ANXA4: variants seen among roughly 807,000 people sequenced by gnomAD.
ANXA4 encodes 35-beta calcimedin.
In ANXA4, 39 loss-of-function variants were observed where a neutral mutation model predicts 49.8. The observed-to-expected ratio is 0.78, with a 90% CI of 0.61 to 1.02. The LOEUF is 1.02. Ranked by LOEUF, ANXA4 falls within the 50% of genes least tolerant of loss-of-function variation. The pLI, the probability that ANXA4 is intolerant of heterozygous loss-of-function variation, is 0.00. For missense variants in ANXA4, 360 were observed against 410.1 expected, an observed-to-expected ratio of 0.88 and a Z score of 1.05; for synonymous variants, 134 against 152.5, an observed-to-expected ratio of 0.88 and a Z score of 0.89.
Position 69,825,653 on chromosome 2 carries a change from C to G in ANXA4, c.*138C>G. 1.7e-6 allele frequency: 1 copy of G among 601,650 alleles called. No individual in the cohort carries two copies. Among genetic ancestry groups the G allele is most frequent in the Non-Finnish European group, 2.9e-6 (1 of 345,996 alleles). The allele number at this position is 601,650 out of a possible 1,614,324, so 37.3% of individuals were successfully genotyped here. The stretch of plus-strand genomic sequence containing the variant: ...CTACAGCTGCCTCCTAGAATATAGA[C>G]TGTCTGTATTATTATTCACCTATAA... On this transcript the variant is annotated 3_prime_UTR_variant, in exon 13 of 13. Transcript: ENST00000394295.
chr2:69,668,982 G>A (rs1303888583), intron 2 of ANXA4, among the ~76,000 whole-genome samples: 1 of 151,034 alleles, frequency 6.6e-6, no homozygotes, highest in Non-Finnish European at 1.5e-5. Flanking sequence ...TATCACCCAG[G>A]CTGCAGTGCA....
At chr2:69,824,178 G>A (rs897898045) in intron 12 of ANXA4, among the ~76,000 whole-genome samples, 4 of 151,760 alleles carry the variant, frequency 2.6e-5, no homozygotes, top group African/African-American at 4.8e-5. Flanking sequence ...GAACCTTTCC[G>A]GAAGACTGTT....
At chr2:69,806,643 G>A in intron 5 of ANXA4, 145 bp downstream of exon 5, 2 of 640,198 alleles carry the variant, frequency 3.1e-6, no homozygotes, top group South Asian at 3.7e-5. Flanking sequence ...TGTGGTACAT[G>A]TACACCATGG....
Position 69,656,294 on chromosome 2 carries a change from T to C in ANXA4, n.766+3012T>C, listed in dbSNP as rs569575280. Among the ~76,000 whole-genome samples, 119 of 104,984 alleles carry C rather than the reference T, an allele frequency of 1.1e-3. 2 individuals carry two copies. Among genetic ancestry groups the C allele is most frequent in the Middle Eastern group, 4.1e-3 (1 of 244 alleles). 68.9% of individuals were successfully genotyped at this position (104,984 alleles called of 152,430 possible). ...GTATATACGTATATATATACATATA[T>C]GTATATATATGTATATATGTATATA... On this transcript the variant is annotated intron_variant and non_coding_transcript_variant, in intron 2 of 3. Transcript: ENST00000418066.
In ANXA4 at chr2:69,706,682, A is replaced by G. The variant is rs184490323; in HGVS notation, n.767-14092A>G. Among the ~76,000 whole-genome samples the G allele has an allele frequency of 3.9e-3, 594 of 152,308 alleles. 1 individual carries two copies. Among genetic ancestry groups the G allele is most frequent in the South Asian group, 7.2e-3 (35 of 4,830 alleles). On this transcript the variant is annotated intron_variant and non_coding_transcript_variant, in intron 2 of 3. Transcript: ENST00000418066. ...GGAGTTTTTTTGTTATTGCTGGTAT[A>G]GAACAATTGTGTCTCCATACATCTG...
intron 1 of ANXA4, among the ~76,000 whole-genome samples, chr2:69,764,264 T>A (rs1671416769): frequency 6.6e-6 from 1 of 152,226 alleles, no homozygotes; most frequent in South Asian, 2.1e-4. Flanking sequence ...AGTTTACCAA[T>A]GGTGTTTCTG....
At chr2:69,813,918 C>T (rs561806344) in intron 8 of ANXA4, among the ~76,000 whole-genome samples, 80 of 151,636 alleles carry the variant, frequency 5.3e-4, no homozygotes, top group Admixed American at 3.2e-3. Context: ...CACCACCACC[C>T]GGCTAGTTTT....
At chr2:69,812,238 C>T (rs1325546200) in intron 7 of ANXA4, among the ~76,000 whole-genome samples, 1 of 151,990 alleles carries the variant, frequency 6.6e-6, no homozygotes, top group Non-Finnish European at 1.5e-5. Context: ...CCTCCCACCT[C>T]AGCCTCGAGT....
intron 1 of ANXA4, among the ~76,000 whole-genome samples, chr2:69,761,519 T>TAAGTA (rs58721464): frequency 0.62 from 94,106 of 151,744 alleles, 31,030 homozygotes; most frequent in African/African-American, 0.83. Flanking sequence ...CTTTCCAAGT[T>TAAGTA]AATTCACGAA....
At chr2:69,662,635 A>G (rs1014538966) in intron 2 of ANXA4, among the ~76,000 whole-genome samples, 2 of 152,246 alleles carry the variant, frequency 1.3e-5, no homozygotes, top group East Asian at 3.9e-4. Flanking sequence ...AGGATGGAGA[A>G]TTTGGAATAC....
chr2:69,788,895 A>AGAGGGAGG (rs1272413931), intron 3 of ANXA4, among the ~76,000 whole-genome samples: 3 of 123,598 alleles, frequency 2.4e-5, no homozygotes, highest in Non-Finnish European at 5.1e-5. Flanking sequence ...AAGAAGGAGG[A>AGAGGGAGG]GAGGGAGGGA....
At chr2:69,671,759 A>G (rs189004444) in intron 2 of ANXA4, among the ~76,000 whole-genome samples, 106 of 152,316 alleles carry the variant, frequency 7.0e-4, no homozygotes, top group African/African-American at 2.5e-3. Context: ...TGAATTGTGA[A>G]TAAGTACACA....
At chr2:69,760,963 G>C (rs1392740306) in intron 1 of ANXA4, among the ~76,000 whole-genome samples, 1 of 151,622 alleles carries the variant, frequency 6.6e-6, no homozygotes, top group African/African-American at 2.4e-5. Context: ...GGAGTTCAAG[G>C]TCAGCCTGGG....
chr2:69,772,019 T>G (rs566881387), intron 1 of ANXA4, among the ~76,000 whole-genome samples: 2 of 152,310 alleles, frequency 1.3e-5, no homozygotes, highest in African/African-American at 4.8e-5. Flanking sequence ...CAGATACTGT[T>G]AAGAAGCTGT....
In ANXA4 at chr2:69,781,532, T is replaced by C. The variant is rs1342404433; in HGVS notation, c.-34T>C. ...GCTTTTATCACAGAAGAACTTCTGC[T>C]TGGGTGGCTGAACTCTGATCTTGAC... is the stretch of plus-strand genomic sequence containing the variant. On this transcript the variant is annotated 5_prime_UTR_variant, in exon 2 of 13. Transcript: ENST00000394295. 2 of 1,613,768 alleles carry C rather than the reference T, an allele frequency of 1.2e-6. No individual in the cohort carries two copies. The highest frequency in any genetic ancestry group is 1.1e-5 in the South Asian group (1 of 90,992).
chr2:69,795,505 G>A (rs894022727), intron 3 of ANXA4, among the ~76,000 whole-genome samples: 1 of 152,086 alleles, frequency 6.6e-6, no homozygotes, highest in Non-Finnish European at 1.5e-5. Flanking sequence ...CTAGTATCGG[G>A]GTGTTGCAAG....
At chr2:69,723,733 AG>A (rs532869542) in intron 3 of ANXA4, among the ~76,000 whole-genome samples, 8 of 152,212 alleles carry the variant, frequency 5.3e-5, no homozygotes, top group Admixed American at 3.3e-4. Context: ...TTCTTCTAAT[AG>A]AGACAGGGTC....
intron 1 of ANXA4, among the ~76,000 whole-genome samples, chr2:69,652,383 T>A (rs764879611): frequency 6.6e-6 from 1 of 152,208 alleles, no homozygotes; most frequent in Non-Finnish European, 1.5e-5. Context: ...TGGTTGTAAT[T>A]TTTTTCTGTT....
chr2:69,820,551 A>C, intron 11 of ANXA4, 148 bp from the exon 12 acceptor site: 1 of 836,292 alleles, frequency 1.2e-6, no homozygotes, highest in Non-Finnish European at 1.9e-6. Context: ...ACCATGATAA[A>C]GAGTGAGGAT....
Sources: gnomAD v4.1 joint callset for allele counts (sites outside exome capture counted in the v4.1 genomes callset) on GRCh38, gnomAD v4.1.1 for gene constraint, MANE v1.5 for transcripts, NCBI Gene and HGNC (gene_info 2026-07-23, HGNC 2026-07-21) for gene names.